The following RIMS1 variants were observed in gnomAD, a reference collection of about 807,000 sequenced individuals.
RIMS1 encodes the protein regulating synaptic membrane exocytosis 1.
A neutral mutation model predicts 214.1 loss-of-function variants in RIMS1; 83 were observed. That is an observed-to-expected ratio of 0.39 (90% CI 0.32 to 0.47). RIMS1 has a LOEUF of 0.47. RIMS1 is among the 20% of genes least tolerant of loss of function. RIMS1 has a pLI of 0.99. For synonymous variants in RIMS1, 793 were observed against 786.8 expected, an observed-to-expected ratio of 1.01 and a Z score of -0.13; for missense variants, 2,050 against 2,161.8, an observed-to-expected ratio of 0.95 and a Z score of 1.03.
At chr6:72,050,595 C>G (rs2152134926) in intron 2 of RIMS1, among the ~76,000 whole-genome samples, 1 of 152,208 alleles carries the variant, frequency 6.6e-6, no homozygotes, top group Middle Eastern at 3.4e-3. Flanking sequence ...ATACTTGACT[C>G]CCTCCTCCCT....
chr6:71,906,869 T>A (rs1368682183), intron 1 of RIMS1, among the ~76,000 whole-genome samples: 3 of 152,314 alleles, frequency 2.0e-5, no homozygotes, highest in East Asian at 3.9e-4. Context: ...CTTTTGGCTA[T>A]AATAATGATT....
At chr6:72,204,908 C>T (rs1360595770) in intron 6 of RIMS1, among the ~76,000 whole-genome samples, 2 of 151,942 alleles carry the variant, frequency 1.3e-5, no homozygotes, top group Admixed American at 1.3e-4. Flanking sequence ...GGTAACTTTT[C>T]TTGTCTTCTA....
chr6:71,912,948 C>A (rs1376168194), intron 1 of RIMS1, among the ~76,000 whole-genome samples: 2 of 152,110 alleles, frequency 1.3e-5, no homozygotes, highest in Non-Finnish European at 2.9e-5. Flanking sequence ...AAATGAGCTT[C>A]ATGGAAGCTT....
chr6:72,323,712 A>G (rs2096288932), intron 28 of RIMS1, among the ~76,000 whole-genome samples: 1 of 151,970 alleles, frequency 6.6e-6, no homozygotes, highest in South Asian at 2.1e-4. Flanking sequence ...TCAAATTACA[A>G]ATCTGAAATC....
chr6:72,361,826 T>G (rs1461247076), intron 29 of RIMS1, among the ~76,000 whole-genome samples: 1 of 152,224 alleles, frequency 6.6e-6, no homozygotes, highest in Non-Finnish European at 1.5e-5. Context: ...TATACTGCCT[T>G]CACTCAGATA....
At chr6:72,281,305 C>T (rs1248507796) in intron 23 of RIMS1, among the ~76,000 whole-genome samples, 1 of 152,018 alleles carries the variant, frequency 6.6e-6, no homozygotes, top group African/African-American at 2.4e-5. Context: ...AACATGCTAT[C>T]ACAGAGAAAG....
At chr6:72,184,010 A>G (rs1188089295) in intron 6 of RIMS1, among the ~76,000 whole-genome samples, 1 of 152,196 alleles carries the variant, frequency 6.6e-6, no homozygotes, top group Non-Finnish European at 1.5e-5. Context: ...TGCATACTGT[A>G]TTACTGTAAT....
At chr6:71,921,956 T>C (rs1780132972) in intron 1 of RIMS1, among the ~76,000 whole-genome samples, 1 of 152,160 alleles carries the variant, frequency 6.6e-6, no homozygotes, top group African/African-American at 2.4e-5. Flanking sequence ...AATTTTTGTT[T>C]TGGTTGCCAA....
Position 72,129,739 on chromosome 6 carries a change from A to C in RIMS1, c.471+29753A>C, listed in dbSNP as rs535993655. On this transcript the variant is annotated intron_variant, in intron 4 of 33. Transcript: ENST00000521978. The stretch of plus-strand genomic sequence containing the variant: ...AAACCAGAGAAAACTGCTAAAAAAA[A>C]AACGGACAGTTCAGCTTTGTTGGCT... 2.0e-5 allele frequency among the ~76,000 whole-genome samples: 3 copies of C among 152,260 alleles called. No individual in the cohort carries two copies. The South Asian group carries it at 6.2e-4, about 32-fold the overall frequency.
intron 6 of RIMS1, among the ~76,000 whole-genome samples, chr6:72,195,939 A>G (rs1359409621): frequency 6.6e-6 from 1 of 152,026 alleles, no homozygotes; most frequent in Non-Finnish European, 1.5e-5. Flanking sequence ...GAACTGTCAG[A>G]TACTTATAAA....
chr6:71,987,858 C>G (rs1344695375), intron 2 of RIMS1, among the ~76,000 whole-genome samples: 1 of 152,064 alleles, frequency 6.6e-6, no homozygotes, highest in Non-Finnish European at 1.5e-5. Context: ...TGATTGTGTC[C>G]TTAGAGGGCT....
rs751561189 is a variant in RIMS1 at position 71,904,532 on chromosome 6, T to C, written c.164+17345T>C. Among the ~76,000 whole-genome samples, 7 of 152,220 alleles carry C rather than the reference T, an allele frequency of 4.6e-5. No homozygotes were observed. In the South Asian group the frequency reaches 1.5e-3, roughly 32 times the overall value. On this transcript the variant is annotated intron_variant, in intron 1 of 33. Coordinates refer to ENST00000521978, the MANE Select transcript of RIMS1 (RefSeq NM_014989.7). ...TTTCAAAGGGAAGTCTGATAGCTAA[T>C]AGCATCCTGACATCTGGAGGAGTAA... is the stretch of plus-strand genomic sequence containing the variant.
At chr6:72,188,816 C>A (rs1446789518) in intron 6 of RIMS1, among the ~76,000 whole-genome samples, 1 of 152,208 alleles carries the variant, frequency 6.6e-6, no homozygotes, top group Non-Finnish European at 1.5e-5. Flanking sequence ...AAGGGATCTC[C>A]TGTATTCCAT....
rs561341746 is a variant in RIMS1, at chr6:72,369,600, A to G, written c.4367-20998A>G. On this transcript the variant is annotated intron_variant, in intron 29 of 33. Coordinates refer to ENST00000521978, the MANE Select transcript of RIMS1 (RefSeq NM_014989.7). Reference sequence around the variant, plus strand: ...TGGACTCTGCTCTTAAGGGCTTTCCACTGATTGAATTAGGCACACTCAAAT... The same window carrying G: ...TGGACTCTGCTCTTAAGGGCTTTCCGCTGATTGAATTAGGCACACTCAAAT... Among the ~76,000 whole-genome samples, 14 of 152,326 alleles carry G rather than the reference A, an allele frequency of 9.2e-5. No homozygotes were observed. In the East Asian group the frequency reaches 1.9e-3, roughly 21 times the overall value.
intron 4 of RIMS1, among the ~76,000 whole-genome samples, chr6:72,143,151 A>G (rs2042279592): frequency 6.6e-6 from 1 of 152,180 alleles, no homozygotes. Flanking sequence ...TGTTTCTAAC[A>G]TATAGGCTAG....
chr6:72,379,500 C>T (rs1041675808), intron 29 of RIMS1, among the ~76,000 whole-genome samples: 1 of 152,196 alleles, frequency 6.6e-6, no homozygotes, highest in Non-Finnish European at 1.5e-5. Flanking sequence ...CTTAATTTTA[C>T]GGCATTCTAA....
chr6:72,074,272 G>A (rs1293072525), intron 2 of RIMS1, among the ~76,000 whole-genome samples: 3 of 152,224 alleles, frequency 2.0e-5, no homozygotes, highest in African/African-American at 7.2e-5. Context: ...TTACATAGCT[G>A]GTATTCATAG....
At chr6:71,940,026 T>C (rs1394299497) in intron 1 of RIMS1, among the ~76,000 whole-genome samples, 1 of 152,200 alleles carries the variant, frequency 6.6e-6, no homozygotes, top group African/African-American at 2.4e-5. Context: ...ATAATCACCA[T>C]ATTCACCTCA....
Position 71,912,578 on chromosome 6 carries a change from C to T in RIMS1, c.164+25391C>T, listed in dbSNP as rs1777249615. On this transcript the variant is annotated intron_variant, in intron 1 of 33. Transcript: ENST00000521978. ...CATTGCGTTATTCTTAAGGATAGTT[C>T]CATAAGCTTCTCAGAGCAGTGACTC... 3.9e-5 allele frequency among the ~76,000 whole-genome samples: 6 copies of T among 152,036 alleles called. No homozygotes were observed. The South Asian group carries it at 1.2e-3, about 32-fold the overall frequency.
Sources: allele counts gnomAD v4.1 joint callset (sites outside exome capture counted in the v4.1 genomes callset), GRCh38; gene constraint gnomAD v4.1.1; transcripts MANE v1.5; gene names NCBI Gene and HGNC (gene_info 2026-07-23, HGNC 2026-07-21).